The following BCAR3 variants were observed in gnomAD, a reference collection of about 807,000 sequenced individuals.
BCAR3 encodes BCAR3 adaptor protein, NSP family member.
Under a neutral mutation model 80.1 loss-of-function variants are expected in BCAR3, and 37 were observed. That is an observed-to-expected ratio of 0.46 (90% CI 0.36 to 0.61). BCAR3 has a LOEUF of 0.61. Among genes scored for constraint, BCAR3 ranks in the 20% least tolerant of loss-of-function variants. BCAR3 has a pLI of 0.00. For missense variants in BCAR3, 978 were observed against 1,068.2 expected (o/e 0.92, Z 1.18); for synonymous variants, 389 against 418.9 (o/e 0.93, Z 0.87).
At chr1:93,800,969 G>A (rs147788778) in intron 2 of BCAR3, among the ~76,000 whole-genome samples, 3 of 152,348 alleles carry the variant, frequency 2.0e-5, no homozygotes, top group Non-Finnish European at 4.4e-5. Flanking sequence ...GTTGAGAACA[G>A]AAAGGGTAGC....
chr1:93,665,251 C>T (rs948724932), intron 2 of BCAR3, among the ~76,000 whole-genome samples: 9 of 152,080 alleles, frequency 5.9e-5, no homozygotes, highest in Non-Finnish European at 1.2e-4. Context: ...GGGAAGAAAC[C>T]ACAGGAGTAT....
At chr1:93,647,843 G>A (rs922684558) in intron 2 of BCAR3, among the ~76,000 whole-genome samples, 1 of 151,936 alleles carries the variant, frequency 6.6e-6, no homozygotes, top group Non-Finnish European at 1.5e-5. Flanking sequence ...TGTGATCTTG[G>A]CTCACTGCAA....
intron 3 of BCAR3, among the ~76,000 whole-genome samples, chr1:93,636,092 G>C (rs1675770911): frequency 6.6e-6 from 1 of 152,276 alleles, no homozygotes; most frequent in South Asian, 2.1e-4. Flanking sequence ...TGCAGGAAAT[G>C]GCCTTGCTGA....
intron 5 of BCAR3, 43 bp downstream of exon 5, chr1:93,588,934 C>T (rs761346282): frequency 3.3e-6 from 5 of 1,504,438 alleles, no homozygotes; most frequent in Non-Finnish European, 4.4e-6. Context: ...ACCTTGGGCA[C>T]CCCGGCGCCC....
At chr1:93,751,931 G>A (rs1386442293) in intron 2 of BCAR3, among the ~76,000 whole-genome samples, 2 of 152,230 alleles carry the variant, frequency 1.3e-5, no homozygotes, top group Non-Finnish European at 1.5e-5. Flanking sequence ...CCGCCCACAT[G>A]ACCCAGATAG....
chr1:93,809,027 G>A (rs1159025044), intron 2 of BCAR3, among the ~76,000 whole-genome samples: 1 of 152,194 alleles, frequency 6.6e-6, no homozygotes, highest in Non-Finnish European at 1.5e-5. Context: ...GCTGACAGAG[G>A]TTGGGAAGTA....
At chr1:93,695,401 T>C (rs1271773048) in intron 3 of BCAR3, among the ~76,000 whole-genome samples, 2 of 152,114 alleles carry the variant, frequency 1.3e-5, no homozygotes, top group Non-Finnish European at 2.9e-5. Flanking sequence ...GGAACTGACA[T>C]CACTGTCAAC....
At position 93,575,761 on chromosome 1, in the gene BCAR3, A is replaced by G. The variant is rs985250121; in HGVS notation, c.1802+253T>C. 4.6e-5 allele frequency among the ~76,000 whole-genome samples: 7 copies of G among 152,076 alleles called. No homozygotes were observed. In the East Asian group the frequency reaches 5.8e-4, roughly 13 times the overall value. On this transcript the variant is annotated intron_variant, in intron 8 of 11. Coordinates refer to ENST00000260502, the MANE Select transcript of BCAR3 (RefSeq NM_003567.4). ...TTGAGTCACTGGCTTCAGGCCATCTATTCTCTCCATCCACTCCTCCAGGAG... is the reference window on the plus strand; with the variant it reads ...TTGAGTCACTGGCTTCAGGCCATCTGTTCTCTCCATCCACTCCTCCAGGAG...
chr1:93,620,233 A>C (rs1051196040), intron 3 of BCAR3, among the ~76,000 whole-genome samples: 1 of 152,236 alleles, frequency 6.6e-6, no homozygotes, highest in Non-Finnish European at 1.5e-5. Flanking sequence ...AGGAGCTGGT[A>C]TAATAAGGAG....
chr1:93,619,000 G>A (rs1161489836), intron 3 of BCAR3, among the ~76,000 whole-genome samples: 8 of 149,758 alleles, frequency 5.3e-5, no homozygotes, highest in Admixed American at 1.3e-4. Flanking sequence ...GTGCAGTGGC[G>A]CGATCTTGGC....
intron 3 of BCAR3, among the ~76,000 whole-genome samples, chr1:93,596,795 G>A (rs1458721004): frequency 1.3e-5 from 2 of 152,172 alleles, no homozygotes; most frequent in Non-Finnish European, 2.9e-5. Context: ...TTTGTCTTGA[G>A]GGGAAGGAGG....
intron 2 of BCAR3, among the ~76,000 whole-genome samples, chr1:93,803,553 G>C (rs1653565205): frequency 6.6e-6 from 1 of 152,236 alleles, no homozygotes; most frequent in African/African-American, 2.4e-5. Context: ...ATACCCAGTG[G>C]CTCCTCCAGA....
intron 2 of BCAR3, among the ~76,000 whole-genome samples, chr1:93,761,102 G>A (rs1400291718): frequency 6.6e-6 from 1 of 152,156 alleles, no homozygotes; most frequent in Non-Finnish European, 1.5e-5. Context: ...GGAACTTAGG[G>A]TCAAGGAGAT....
intron 3 of BCAR3, among the ~76,000 whole-genome samples, chr1:93,699,941 C>T (rs1649576993): frequency 6.6e-6 from 1 of 152,124 alleles, no homozygotes; most frequent in Non-Finnish European, 1.5e-5. Flanking sequence ...CAGATGCTGC[C>T]CTGCCTCTCA....
intron 2 of BCAR3, among the ~76,000 whole-genome samples, chr1:93,662,383 G>A (rs1647702946): frequency 6.6e-6 from 1 of 152,076 alleles, no homozygotes; most frequent in Non-Finnish European, 1.5e-5. Flanking sequence ...TTTGGACTCT[G>A]GTGCTAGTCT....
At chr1:93,697,871 G>A (rs748889247) in intron 3 of BCAR3, among the ~76,000 whole-genome samples, 7 of 152,168 alleles carry the variant, frequency 4.6e-5, no homozygotes, top group African/African-American at 9.7e-5. Flanking sequence ...CCAGCTACTC[G>A]GGAGGCTAAG....
intron 2 of BCAR3, among the ~76,000 whole-genome samples, chr1:93,836,915 C>G (rs920152623): frequency 6.6e-6 from 1 of 152,054 alleles, no homozygotes; most frequent in Non-Finnish European, 1.5e-5. Flanking sequence ...AAGAGAAAAA[C>G]CCCCTTTGAC....
At chr1:93,845,501 T>TCTC (rs1187622336) in intron 2 of BCAR3, 3,067 of 96,232 alleles carry the variant, frequency 0.032, 294 homozygotes, top group Non-Finnish European at 0.049. Context: ...TATATATATA[T>TCTC]AAAACTTTGT....
intron 1 of BCAR3, among the ~76,000 whole-genome samples, chr1:93,680,389 C>G (rs1648695396): frequency 6.6e-6 from 1 of 152,168 alleles, no homozygotes. Flanking sequence ...CTCAATACCC[C>G]CTGGCACGCC....
Sources: gnomAD v4.1 joint callset for allele counts (sites outside exome capture counted in the v4.1 genomes callset) on GRCh38, gnomAD v4.1.1 for gene constraint, MANE v1.5 for transcripts, NCBI Gene and HGNC (gene_info 2026-07-23, HGNC 2026-07-21) for gene names.